ASAP2: variants seen among roughly 807,000 people sequenced by gnomAD.
ASAP2 encodes the protein ArfGAP with SH3 domain, ankyrin repeat and PH domain 2.
Under a neutral mutation model 131.4 loss-of-function variants are expected in ASAP2, and 45 were observed. The observed-to-expected ratio is 0.34, with a 90% confidence interval of 0.27 to 0.44. The LOEUF is 0.44. ASAP2 is among the 20% of genes least tolerant of loss of function. The pLI is 1.00. For missense variants in ASAP2, 1,011 were observed against 1,297.0 expected, an observed-to-expected ratio of 0.78 and a Z score of 3.39; for synonymous variants, 510 against 503.0, an observed-to-expected ratio of 1.01 and a Z score of -0.19.
At chr2:9,368,738 T>C (rs1304620019) in intron 16 of ASAP2, among the ~76,000 whole-genome samples, 4 of 152,192 alleles carry the variant, frequency 2.6e-5, no homozygotes, top group Admixed American at 2.6e-4. Flanking sequence ...TCGCAGATGC[T>C]GTGCGTGTGT....
At chr2:9,360,193 T>C (rs572435330) in intron 15 of ASAP2, among the ~76,000 whole-genome samples, 1 of 152,342 alleles carries the variant, frequency 6.6e-6, no homozygotes, top group Non-Finnish European at 1.5e-5. Flanking sequence ...AAGTGTTAAG[T>C]GATTCAAGAT....
chr2:9,343,695 C>T (rs1166995018), intron 9 of ASAP2, among the ~76,000 whole-genome samples: 1 of 152,234 alleles, frequency 6.6e-6, no homozygotes, highest in Non-Finnish European at 1.5e-5. Context: ...CATCCGCCCA[C>T]CTTGGTCTCC....
At chr2:9,384,783 C>A (rs575470952) in intron 20 of ASAP2, among the ~76,000 whole-genome samples, 10 of 152,304 alleles carry the variant, frequency 6.6e-5, no homozygotes, top group Non-Finnish European at 1.2e-4. Context: ...AGAACCAGTC[C>A]TCTTTGATTT....
intron 3 of ASAP2, among the ~76,000 whole-genome samples, chr2:9,317,840 C>G (rs896456471): frequency 6.6e-6 from 1 of 152,058 alleles, no homozygotes; most frequent in Non-Finnish European, 1.5e-5. Flanking sequence ...CCTTAACATG[C>G]TCCCTCACAC....
chr2:9,355,385 C>T (rs141726512), intron 12 of ASAP2, among the ~76,000 whole-genome samples: 7 of 152,294 alleles, frequency 4.6e-5, no homozygotes, highest in African/African-American at 1.7e-4. Flanking sequence ...AGTGTTTTCT[C>T]ATGAGTGGAT....
chr2:9,214,318 A>G (rs1196862201), intron 1 of ASAP2, among the ~76,000 whole-genome samples: 5 of 151,614 alleles, frequency 3.3e-5, no homozygotes, highest in Non-Finnish European at 7.4e-5. Flanking sequence ...GTTCACTGCA[A>G]CCTCTGCCTC....
intron 1 of ASAP2, among the ~76,000 whole-genome samples, chr2:9,216,731 G>A (rs1213889673): frequency 6.6e-6 from 1 of 151,910 alleles, no homozygotes; most frequent in Non-Finnish European, 1.5e-5. Context: ...AAAGTGCTGG[G>A]ATTGCAAGTG....
intron 1 of ASAP2, among the ~76,000 whole-genome samples, chr2:9,260,450 A>G (rs993374571): frequency 8.5e-5 from 13 of 152,102 alleles, no homozygotes; most frequent in Non-Finnish European, 1.5e-4. Flanking sequence ...AGAGATGACC[A>G]ATTTTGGGGT....
intron 2 of ASAP2, among the ~76,000 whole-genome samples, chr2:9,290,116 A>G (rs1320688582): frequency 6.6e-6 from 1 of 152,198 alleles, no homozygotes; most frequent in African/African-American, 2.4e-5. Flanking sequence ...TGATACAGGT[A>G]TACTCAGTTC....
At chr2:9,334,186 T>C (rs1252332958) in intron 7 of ASAP2, among the ~76,000 whole-genome samples, 6 of 147,640 alleles carry the variant, frequency 4.1e-5, no homozygotes, top group Non-Finnish European at 8.9e-5. Flanking sequence ...AGTAGCTTTT[T>C]GTATTTTTGT....
In ASAP2 at chr2:9,291,272, T is replaced by C. The variant is rs546982040; in HGVS notation, c.200-6028T>C. 1.2e-4 allele frequency among the ~76,000 whole-genome samples: 19 copies of C among 152,352 alleles called. 1 individual carries two copies. The highest frequency in any genetic ancestry group is 1.2e-3 in the Admixed American group (19 of 15,308). ...GAAGTGGGATTATCCAGAAGAATGA[T>C]ACACATTAGTAAATTGGAAATGAAA... On this transcript the variant is annotated intron_variant, in intron 2 of 27. Transcript: ENST00000281419.
intron 1 of ASAP2, among the ~76,000 whole-genome samples, chr2:9,226,445 A>G (rs1014427468): frequency 6.6e-6 from 1 of 152,108 alleles, no homozygotes; most frequent in Non-Finnish European, 1.5e-5. Flanking sequence ...TTATTTCCCC[A>G]AATACCTTTG....
intron 3 of ASAP2, among the ~76,000 whole-genome samples, chr2:9,303,006 TAGTA>T (rs923260377): frequency 1.5e-4 from 23 of 152,192 alleles, no homozygotes; most frequent in African/African-American, 5.5e-4. Context: ...TTGTCCATAT[TAGTA>T]AGGCTTGTCT....
chr2:9,327,292 T>C (rs1299131573), intron 6 of ASAP2, among the ~76,000 whole-genome samples: 1 of 152,268 alleles, frequency 6.6e-6, no homozygotes, highest in African/African-American at 2.4e-5. Context: ...TGAGGCTTTC[T>C]GATAGCTTCG....
intron 1 of ASAP2, among the ~76,000 whole-genome samples, chr2:9,245,295 C>G (rs1357082712): frequency 6.6e-6 from 1 of 152,126 alleles, no homozygotes; most frequent in Non-Finnish European, 1.5e-5. Context: ...CAGTGTGTTG[C>G]TGCCGTGGCT....
intron 4 of ASAP2, among the ~76,000 whole-genome samples, chr2:9,319,764 G>A (rs1670035237): frequency 6.6e-6 from 1 of 152,232 alleles, no homozygotes. Flanking sequence ...AGTAGTTTTT[G>A]AGGCAGGCTT....
intron 9 of ASAP2, among the ~76,000 whole-genome samples, chr2:9,343,600 C>T (rs982284888): frequency 2.0e-5 from 3 of 152,206 alleles, no homozygotes; most frequent in African/African-American, 7.2e-5. Flanking sequence ...GCGCCTGCCA[C>T]CATACCTAGC....
chr2:9,369,814 G>T (rs910178084), intron 16 of ASAP2, among the ~76,000 whole-genome samples: 1 of 152,170 alleles, frequency 6.6e-6, no homozygotes, highest in South Asian at 2.1e-4. Context: ...TCACAAATAG[G>T]TGGTAGTGTA....
chr2:9,264,685 A>G (rs1242527924), intron 1 of ASAP2, among the ~76,000 whole-genome samples: 11 of 152,188 alleles, frequency 7.2e-5, no homozygotes, highest in Non-Finnish European at 1.3e-4. Flanking sequence ...GGTGCGCGCT[A>G]TAACTAAGTC....
Sources: gnomAD v4.1 joint callset for allele counts (sites outside exome capture counted in the v4.1 genomes callset) on GRCh38, gnomAD v4.1.1 for gene constraint, MANE v1.5 for transcripts, NCBI Gene and HGNC (gene_info 2026-07-23, HGNC 2026-07-21) for gene names.